The following JAZF1 variants were observed in gnomAD, a reference collection of about 807,000 sequenced individuals.
The protein encoded by JAZF1 is JAZF zinc finger 1.
JAZF1 carries 8 observed loss-of-function variants against 26.4 expected under a neutral mutation model. That is an observed-to-expected ratio of 0.30 (90% confidence interval 0.18 to 0.55). The LOEUF is 0.55. Ranked by LOEUF, JAZF1 falls within the 20% of genes least tolerant of loss-of-function variation. JAZF1 has a pLI of 0.94. For synonymous variants in JAZF1, 126 were observed against 122.3 expected, an observed-to-expected ratio of 1.03 and a Z score of -0.20; for missense variants, 199 against 322.0, an observed-to-expected ratio of 0.62 and a Z score of 2.92.
At chr7:28,103,066 G>A (rs1188493134) in intron 1 of JAZF1, among the ~76,000 whole-genome samples, 1 of 152,130 alleles carries the variant, frequency 6.6e-6, no homozygotes, top group Non-Finnish European at 1.5e-5. Context: ...GGCAACACTT[G>A]CTAGGGATGA....
intron 3 of JAZF1, among the ~76,000 whole-genome samples, chr7:27,864,904 A>C (rs12531907): frequency 2.0e-5 from 3 of 151,998 alleles, no homozygotes; most frequent in African/African-American, 7.2e-5. Flanking sequence ...AATTTACTAT[A>C]AAGTTTTTCT....
intron 1 of JAZF1, among the ~76,000 whole-genome samples, chr7:28,054,514 C>G (rs754057547): frequency 6.6e-6 from 1 of 152,046 alleles, no homozygotes; most frequent in African/African-American, 2.4e-5. Flanking sequence ...CCTAGTCATG[C>G]CCCTAGACCC....
chr7:28,040,096 G>T (rs1783364155), intron 1 of JAZF1, among the ~76,000 whole-genome samples: 1 of 151,992 alleles, frequency 6.6e-6, no homozygotes, highest in Non-Finnish European at 1.5e-5. Context: ...CAAACCTAAA[G>T]TATTATTAAA....
At chr7:28,025,470 C>T (rs1183971362) in intron 1 of JAZF1, among the ~76,000 whole-genome samples, 1 of 121,820 alleles carries the variant, frequency 8.2e-6, no homozygotes, top group African/African-American at 3.2e-5. Context: ...CTTTGGTCCA[C>T]ATGGCTAAAT....
chr7:28,033,493 C>T (rs1028927650), intron 1 of JAZF1, among the ~76,000 whole-genome samples: 2 of 152,264 alleles, frequency 1.3e-5, no homozygotes, highest in Admixed American at 1.3e-4. Context: ...GGGAGTAAAA[C>T]CCCTGGAAGA....
intron 3 of JAZF1, among the ~76,000 whole-genome samples, chr7:27,864,433 CT>C (rs934610397): frequency 6.6e-6 from 1 of 152,166 alleles, no homozygotes; most frequent in Admixed American, 6.5e-5. Flanking sequence ...TCCTTTTCTT[CT>C]TTTCATTTTG....
intron 2 of JAZF1, among the ~76,000 whole-genome samples, chr7:27,969,788 G>A (rs1267582238): frequency 7.8e-6 from 1 of 128,560 alleles, no homozygotes; most frequent in Non-Finnish European, 1.8e-5. Context: ...CAATGTGTAT[G>A]AGGCAAGACA....
At chr7:27,834,227 G>C (rs1299957645) in intron 4 of JAZF1, among the ~76,000 whole-genome samples, 1 of 152,180 alleles carries the variant, frequency 6.6e-6, no homozygotes, top group Non-Finnish European at 1.5e-5. Flanking sequence ...AAGTCTTTGT[G>C]AGTGAATGAA....
intron 2 of JAZF1, among the ~76,000 whole-genome samples, chr7:27,912,101 G>A (rs1022646547): frequency 7.0e-6 from 1 of 142,614 alleles, no homozygotes; most frequent in Admixed American, 6.8e-5. Flanking sequence ...TAAGCATCAC[G>A]TGGCTTTTAT....
intron 1 of JAZF1, among the ~76,000 whole-genome samples, chr7:27,994,470 A>C (rs56760193): frequency 0.3 from 21,549 of 72,134 alleles, 2,067 homozygotes; most frequent in East Asian, 0.61. Flanking sequence ...AACAAAAAAA[A>C]ACACACACAC....
chr7:28,124,473 T>C (rs1364708756), intron 1 of JAZF1, among the ~76,000 whole-genome samples: 1 of 152,166 alleles, frequency 6.6e-6, no homozygotes, highest in Non-Finnish European at 1.5e-5. Flanking sequence ...CTCTTCACCA[T>C]CCTGGGTGTC....
At chr7:27,996,658 G>T (rs1334408957) in intron 1 of JAZF1, among the ~76,000 whole-genome samples, 1 of 152,182 alleles carries the variant, frequency 6.6e-6, no homozygotes, top group South Asian at 2.1e-4. Flanking sequence ...ACAACATTCC[G>T]TGTGGAGTTT....
At chr7:27,930,056 T>C (rs1784664094) in intron 2 of JAZF1, among the ~76,000 whole-genome samples, 1 of 151,658 alleles carries the variant, frequency 6.6e-6, no homozygotes, top group Non-Finnish European at 1.5e-5. Flanking sequence ...AGTCCAGTGG[T>C]GCGATCTCGG....
chr7:27,929,979 C>CCT lies in JAZF1; in HGVS notation c.189-34565_189-34564dup, dbSNP rs367764460. Among the ~76,000 whole-genome samples the CCT allele has an allele frequency of 8.0e-3, 1,153 of 143,644 alleles. 6 individuals carry two copies. Among genetic ancestry groups the CCT allele is most frequent in the African/African-American group, 0.024 (950 of 39,122 alleles). 94.2% of individuals were successfully genotyped at this position (143,644 alleles called of 152,430 possible). A position where few individuals can be genotyped will look rare whatever the true frequency, so the allele number is the denominator to read the frequency against. On this transcript the variant is annotated intron_variant, in intron 2 of 4. Coordinates refer to ENST00000283928, the MANE Select transcript of JAZF1 (RefSeq NM_175061.4). ...CTCTCTCCCCCTCTCTCCCTCCCTC[C>CCT]CTCTCTCTCTCTCTCTCTTTCTTTC...
rs1490764594 is a variant in JAZF1, at chr7:28,088,665, G to A, written c.115+91798C>T. On this transcript the variant is annotated intron_variant, in intron 1 of 4. Coordinates refer to ENST00000283928, the MANE Select transcript of JAZF1 (RefSeq NM_175061.4). ...TCCTAATATCTCCCAAAGAAAAGGGGGCCTGTCTCCATTCCCAAGGACTGG... is the reference window on the plus strand; with the variant it reads ...TCCTAATATCTCCCAAAGAAAAGGGAGCCTGTCTCCATTCCCAAGGACTGG... Among the ~76,000 whole-genome samples the A allele has an allele frequency of 4.6e-5, 7 of 152,170 alleles. No individual in the cohort carries two copies. In the East Asian group the frequency reaches 1.3e-3, roughly 29 times the overall value.
chr7:27,850,949 A>AT (rs539232971), intron 3 of JAZF1, among the ~76,000 whole-genome samples: 13 of 150,474 alleles, frequency 8.6e-5, no homozygotes, highest in South Asian at 4.2e-4. Context: ...TTTTAAAATA[A>AT]TTTTTTTTTT....
intron 1 of JAZF1, among the ~76,000 whole-genome samples, chr7:28,135,820 G>A (rs1467938940): frequency 6.6e-6 from 1 of 152,080 alleles, no homozygotes; most frequent in Non-Finnish European, 1.5e-5. Flanking sequence ...CTAAGTAGGT[G>A]GTATAAACAT....
chr7:28,067,549 T>A (rs1428016715), intron 1 of JAZF1, among the ~76,000 whole-genome samples: 2 of 152,210 alleles, frequency 1.3e-5, no homozygotes, highest in East Asian at 1.9e-4. Context: ...CTTTAGGTAA[T>A]CTGACTTCTG....
At chr7:27,907,887 T>C (rs1022553542) in intron 2 of JAZF1, among the ~76,000 whole-genome samples, 1 of 152,196 alleles carries the variant, frequency 6.6e-6, no homozygotes, top group African/African-American at 2.4e-5. Flanking sequence ...GCCTTACAGT[T>C]TTCTTCAGCA....
Sources: allele counts gnomAD v4.1 joint callset (sites outside exome capture counted in the v4.1 genomes callset), GRCh38; gene constraint gnomAD v4.1.1; transcripts MANE v1.5; gene names NCBI Gene and HGNC (gene_info 2026-07-23, HGNC 2026-07-21).